The following CNBD1 variants were observed in gnomAD, a reference collection of about 807,000 sequenced individuals.
CNBD1 encodes the protein cyclic nucleotide binding domain containing 1, also known as cyclic nucleotide-binding domain-containing protein 1.
Under a neutral mutation model 54.4 loss-of-function variants are expected in CNBD1, and 71 were observed. That is an observed-to-expected ratio of 1.30 (90% CI 1.08 to 1.59). CNBD1 has a LOEUF of 1.59. Among genes scored for constraint, CNBD1 ranks in the 40% most tolerant of loss-of-function variants. The pLI is 0.00. For missense variants in CNBD1, 659 were observed against 518.0 expected, an observed-to-expected ratio of 1.27 and a Z score of -2.64; for synonymous variants, 182 against 170.7, an observed-to-expected ratio of 1.07 and a Z score of -0.51.
chr8:87,378,729 G>A lies in CNBD1; in HGVS notation c.1304-3891G>A, dbSNP rs1428219987. ...GCTTGATGGAGATGGCATTGAATCTGTAAATTACCTTGGGCAGTATGGACA... is the reference window on the plus strand; with the variant it reads ...GCTTGATGGAGATGGCATTGAATCTATAAATTACCTTGGGCAGTATGGACA... On this transcript the variant is annotated intron_variant, in intron 10 of 10. Transcript: ENST00000518476. Among the ~76,000 whole-genome samples, 9 of 151,110 alleles carry A rather than the reference G, an allele frequency of 6.0e-5. No homozygotes were observed. In the East Asian group the frequency reaches 1.2e-3, roughly 19 times the overall value.
intron 8 of CNBD1, among the ~76,000 whole-genome samples, chr8:87,334,295 C>T (rs1809897214): frequency 6.6e-6 from 1 of 151,590 alleles, no homozygotes; most frequent in Non-Finnish European, 1.5e-5. Context: ...GTCTAGCTAG[C>T]AACCTATTTT....
chr8:87,374,434 T>C lies in CNBD1; in HGVS notation c.1304-8186T>C, dbSNP rs181265954. Among the ~76,000 whole-genome samples, 417 of 151,978 alleles carry C rather than the reference T, an allele frequency of 2.7e-3. 3 individuals carry two copies. The highest frequency in any genetic ancestry group is 5.4e-3 in the Non-Finnish European group (366 of 67,868). On this transcript the variant is annotated intron_variant, in intron 10 of 10. Transcript: ENST00000518476. ...TTTAAGATAGTTCCTTAAATCAAGA[T>C]CCTAATAAGGGCAACTTTAGTATAA...
chr8:87,179,851 A>T (rs1345154893), intron 4 of CNBD1, among the ~76,000 whole-genome samples: 1 of 152,230 alleles, frequency 6.6e-6, no homozygotes. Context: ...GATTTCATAC[A>T]TTAATCAGTA....
At chr8:87,386,940 G>A (rs748826854), downstream of CNBD1, among the ~76,000 whole-genome samples, 1 of 152,140 alleles carries the variant, frequency 6.6e-6, no homozygotes, top group Non-Finnish European at 1.5e-5. Context: ...AGAAGAGAGT[G>A]GGGGCCAAAA....
intron 3 of CNBD1, among the ~76,000 whole-genome samples, chr8:86,933,557 T>C (rs73269881): frequency 0.013 from 1,936 of 152,272 alleles, 23 homozygotes; most frequent in South Asian, 0.032. Context: ...TGAATACATA[T>C]ATCTTTGATA....
Position 87,376,427 on chromosome 8 carries a change from T to A in CNBD1, c.1304-6193T>A, listed in dbSNP as rs1463207922. 3.3e-5 allele frequency among the ~76,000 whole-genome samples: 5 copies of A among 151,872 alleles called. No individual in the cohort carries two copies. In the South Asian group the frequency reaches 6.2e-4, roughly 19 times the overall value. On this transcript the variant is annotated intron_variant, in intron 10 of 10. Transcript: ENST00000518476. ...GAAGAAACCTACTAATACCGTCACA[T>A]TGGACGTTAGGATTTCAACCTATGA...
chr8:87,332,857 C>T (rs1335792340), intron 8 of CNBD1, among the ~76,000 whole-genome samples: 2 of 151,964 alleles, frequency 1.3e-5, no homozygotes, highest in Admixed American at 6.6e-5. Flanking sequence ...GCTATGCAGG[C>T]CGTTTTTTGG....
intron 6 of CNBD1, among the ~76,000 whole-genome samples, chr8:87,247,091 T>C (rs538944182): frequency 6.6e-6 from 1 of 152,236 alleles, no homozygotes; most frequent in African/African-American, 2.4e-5. Context: ...GAGCAGGCTT[T>C]TCAGTGCTTT....
At chr8:86,867,603 G>T (rs1016986542) in intron 1 of CNBD1, among the ~76,000 whole-genome samples, 1 of 152,138 alleles carries the variant, frequency 6.6e-6, no homozygotes, top group South Asian at 2.1e-4. Context: ...TTGTATTATA[G>T]TGAAAATAAT....
intron 4 of CNBD1, among the ~76,000 whole-genome samples, chr8:87,109,329 T>C (rs1444064656): frequency 1.3e-5 from 2 of 152,232 alleles, no homozygotes; most frequent in East Asian, 3.9e-4. Flanking sequence ...TCAGTATTTA[T>C]GCACCAGATG....
At chr8:87,386,969 A>T, downstream of CNBD1, among the ~76,000 whole-genome samples, 1 of 152,254 alleles carries the variant, frequency 6.6e-6, no homozygotes, top group East Asian at 1.9e-4. Context: ...TCTTAAGAAA[A>T]GAATTTTCAA....
intron 4 of CNBD1, among the ~76,000 whole-genome samples, chr8:86,976,404 T>C (rs1361281056): frequency 2.0e-5 from 3 of 151,916 alleles, no homozygotes; most frequent in Non-Finnish European, 4.4e-5. Context: ...TTGATTTTCA[T>C]ATAAGGGATG....
At chr8:86,948,794 G>A (rs1049146104) in intron 4 of CNBD1, among the ~76,000 whole-genome samples, 1 of 152,062 alleles carries the variant, frequency 6.6e-6, no homozygotes, top group African/African-American at 2.4e-5. Context: ...TTTTGCTTTG[G>A]TTGCCTGTGC....
intron 10 of CNBD1, among the ~76,000 whole-genome samples, chr8:87,363,008 C>A (rs189342441): frequency 2.6e-5 from 4 of 152,040 alleles, no homozygotes; most frequent in Admixed American, 6.6e-5. Context: ...TCCTCTAGTA[C>A]GCCCCACCCA....
chr8:87,120,303 G>C (rs1427835878), intron 4 of CNBD1, among the ~76,000 whole-genome samples: 1 of 151,870 alleles, frequency 6.6e-6, no homozygotes, highest in African/African-American at 2.4e-5. Context: ...ATCGTGGTAG[G>C]CTGTGTGTTT....
intron 8 of CNBD1, among the ~76,000 whole-genome samples, chr8:87,320,918 A>C (rs140219992): frequency 6.6e-6 from 1 of 152,108 alleles, no homozygotes; most frequent in African/African-American, 2.4e-5. Flanking sequence ...TCTGCTATCA[A>C]TATGGCTATT....
chr8:87,326,356 G>A (rs1809669006), intron 8 of CNBD1, among the ~76,000 whole-genome samples: 1 of 125,668 alleles, frequency 8.0e-6, no homozygotes, highest in Non-Finnish European at 1.8e-5. Context: ...GGCCTGCCTT[G>A]CTAGATTGGG....
chr8:86,887,235 T>G (rs1309273033), intron 1 of CNBD1, among the ~76,000 whole-genome samples: 2 of 152,158 alleles, frequency 1.3e-5, no homozygotes, highest in Non-Finnish European at 2.9e-5. Context: ...CAGTGTTGGA[T>G]AGGGATTCTG....
At chr8:87,080,617 A>G (rs867794130) in intron 4 of CNBD1, among the ~76,000 whole-genome samples, 1 of 152,242 alleles carries the variant, frequency 6.6e-6, no homozygotes, top group Non-Finnish European at 1.5e-5. Flanking sequence ...CTTTCTGCAA[A>G]TGATTATTTA....
Sources: allele counts gnomAD v4.1 joint callset (sites outside exome capture counted in the v4.1 genomes callset), GRCh38; gene constraint gnomAD v4.1.1; transcripts MANE v1.5; gene names NCBI Gene and HGNC (gene_info 2026-07-23, HGNC 2026-07-21).